The following PTPRZ1 variants were observed in gnomAD, a reference collection of about 807,000 sequenced individuals.
The protein encoded by PTPRZ1 is receptor-type tyrosine-protein phosphatase zeta.
PTPRZ1 carries 82 observed loss-of-function variants against 214.1 expected under a neutral mutation model. That is an observed-to-expected ratio of 0.38 (90% confidence interval 0.32 to 0.46). The LOEUF (loss-of-function observed/expected upper bound fraction) is 0.46. Ranked by LOEUF, PTPRZ1 falls within the 20% of genes least tolerant of loss-of-function variation. The pLI, the probability that PTPRZ1 is intolerant of heterozygous loss-of-function variation, is 1.00. For missense variants in PTPRZ1, 2,603 were observed against 2,748.7 expected (o/e 0.95, Z 1.19); for synonymous variants, 945 against 987.9 (o/e 0.96, Z 0.81).
At chr7:121,964,222 C>T (rs1334072314) in intron 2 of PTPRZ1, among the ~76,000 whole-genome samples, 4 of 152,146 alleles carry the variant, frequency 2.6e-5, no homozygotes, top group African/African-American at 9.7e-5. Context: ...AGTTCATTCT[C>T]ATGCTGCTAT....
intron 4 of PTPRZ1, among the ~76,000 whole-genome samples, chr7:121,974,491 T>C (rs1797368385): frequency 6.6e-6 from 1 of 152,190 alleles, no homozygotes; most frequent in Admixed American, 6.5e-5. Flanking sequence ...TTGTTGTTGT[T>C]GTTGTTGTTG....
In PTPRZ1 at chr7:122,011,368, G is replaced by A. The variant is rs1798658601; in HGVS notation, c.2322G>A (p.Leu774=). 6.2e-7 allele frequency: 1 copy of A among 1,613,928 alleles called. No individual in the cohort carries two copies. The highest frequency in any genetic ancestry group is 1.3e-5 in the African/African-American group (1 of 74,908). The change falls in exon 12 of 30, where the codon TTG becomes TTA. Residue 774 remains leucine, a synonymous_variant. Coordinates refer to ENST00000393386, the MANE Select transcript of PTPRZ1 (RefSeq NM_002851.3). ...AAGTCTTTCCTCTAGTCACCCCTTT[G>A]TTGCTTGACAATCAGATCCTCAACA... ...SSEVFPLVTP[L]LLDNQILNTT...
At chr7:121,884,746 C>T (rs1258873446) in intron 1 of PTPRZ1, among the ~76,000 whole-genome samples, 1 of 152,102 alleles carries the variant, frequency 6.6e-6, no homozygotes, top group East Asian at 1.9e-4. Context: ...ATGAATTGTA[C>T]CCTGGTGGGA....
intron 12 of PTPRZ1, among the ~76,000 whole-genome samples, chr7:122,014,871 C>T (rs941458967): frequency 1.3e-5 from 2 of 152,020 alleles, no homozygotes; most frequent in Non-Finnish European, 2.9e-5. Flanking sequence ...GCAGTGTAAA[C>T]CATCAAAATA....
At chr7:121,985,196 G>A (rs770892421) in intron 8 of PTPRZ1, among the ~76,000 whole-genome samples, 3 of 152,014 alleles carry the variant, frequency 2.0e-5, no homozygotes, top group Non-Finnish European at 2.9e-5. Flanking sequence ...TTGCCCCAAA[G>A]TGAGGAAATT....
chr7:121,960,124 C>T (rs1481917278), intron 2 of PTPRZ1, among the ~76,000 whole-genome samples: 2 of 152,220 alleles, frequency 1.3e-5, no homozygotes, highest in African/African-American at 4.8e-5. Flanking sequence ...CTGCAACCTC[C>T]GCCTCCCAGG....
rs145226329 is a variant in PTPRZ1, at chr7:121,922,569, C to T, written c.59-5587C>T. Among the ~76,000 whole-genome samples the T allele has an allele frequency of 1.1e-4, 16 of 151,200 alleles. No individual in the cohort carries two copies. The East Asian group carries it at 2.3e-3, about 22-fold the overall frequency. On this transcript the variant is annotated intron_variant, in intron 1 of 29. Coordinates refer to ENST00000393386, the MANE Select transcript of PTPRZ1 (RefSeq NM_002851.3). ...CAGCCTGGGTGACAGAGCGGGACTC[C>T]GCCTCAAAAAAAAAAGTTGATTCTT...
intron 2 of PTPRZ1, among the ~76,000 whole-genome samples, chr7:121,940,700 A>C (rs1319323754): frequency 1.3e-5 from 2 of 152,204 alleles, no homozygotes; most frequent in South Asian, 4.1e-4. Context: ...AAAGTCAGAT[A>C]AATCTTCTGT....
At chr7:122,034,062 TCTTTA>T in intron 15 of PTPRZ1, 28 bp from the exon 16 acceptor site, 1 of 1,564,962 alleles carries the variant, frequency 6.4e-7, no homozygotes, top group Non-Finnish European at 8.8e-7. Context: ...GAATTTGATT[TCTTTA>T]CTTTTTTGGC....
intron 2 of PTPRZ1, among the ~76,000 whole-genome samples, chr7:121,956,676 C>G (rs188114950): frequency 6.6e-6 from 1 of 152,344 alleles, no homozygotes; most frequent in African/African-American, 2.4e-5. Context: ...CCGGTCCCAA[C>G]AGATGTCTGG....
At chr7:121,988,413 T>C (rs1237259950) in intron 8 of PTPRZ1, among the ~76,000 whole-genome samples, 1 of 152,212 alleles carries the variant, frequency 6.6e-6, no homozygotes, top group Non-Finnish European at 1.5e-5. Context: ...CAGTTACATA[T>C]TCAGTCGATT....
At chr7:121,944,645 C>G (rs1340349732) in intron 2 of PTPRZ1, among the ~76,000 whole-genome samples, 3 of 21,150 alleles carry the variant, frequency 1.4e-4, no homozygotes, top group African/African-American at 2.4e-4. Context: ...TTACAGATTA[C>G]ATTTTTTTTT....
chr7:121,884,139 T>C (rs1334228477), intron 1 of PTPRZ1, among the ~76,000 whole-genome samples: 5 of 152,170 alleles, frequency 3.3e-5, no homozygotes, highest in African/African-American at 1.2e-4. Context: ...TGCCAAACTT[T>C]TGTCTATTTT....
chr7:121,962,599 C>G (rs746476787), intron 2 of PTPRZ1, among the ~76,000 whole-genome samples: 1 of 151,056 alleles, frequency 6.6e-6, no homozygotes, highest in Non-Finnish European at 1.5e-5. Flanking sequence ...CAGTCTTGCT[C>G]TGTTGCCCAG....
chr7:121,962,708 G>A (rs542933813), intron 2 of PTPRZ1, among the ~76,000 whole-genome samples: 1 of 151,590 alleles, frequency 6.6e-6, no homozygotes, highest in South Asian at 2.1e-4. Context: ...GGGATTACAG[G>A]CACGCATCAC....
intron 9 of PTPRZ1, 81 bp from the exon 10 acceptor site, chr7:121,997,799 A>T (rs999146923): frequency 1.5e-6 from 2 of 1,311,662 alleles, no homozygotes; most frequent in African/African-American, 3.0e-5. Flanking sequence ...CAGGGAGAAA[A>T]AGTTTTCTAG....
In PTPRZ1 at chr7:122,058,837, C is replaced by A; in HGVS notation, c.6566C>A (p.Pro2189His). 6.2e-7 allele frequency: 1 copy of A among 1,605,340 alleles called. No homozygotes were observed. Among genetic ancestry groups the A allele is most frequent in the East Asian group, 2.2e-5 (1 of 44,800 alleles). ...CTTGAAGTGAGGCACTTTCAGTGTC[C>A]TAAATGGCCAAATCCAGATAGCCCC... ...YVLEVRHFQC[P>H]KWPNPDSPIS... The change falls in exon 28 of 30, where the codon CCT (proline) becomes CAT (histidine). Residue 2189 changes from proline (P) to histidine (H), a missense_variant. By Grantham distance (77) the Pro-to-His change is moderately conservative. This residue lies in a region of PTPRZ1 where 165 missense variants were observed against 151.4 expected (regional missense o/e 1.09). Transcript: ENST00000393386.
At chr7:122,039,754 T>A (rs548404475) in intron 20 of PTPRZ1, among the ~76,000 whole-genome samples, 166 bp downstream of exon 20, 1 of 152,246 alleles carries the variant, frequency 6.6e-6, no homozygotes, top group Admixed American at 6.5e-5. Flanking sequence ...TCCCAGGACA[T>A]TGGGAGGCCA....
At chr7:121,895,723 G>A (rs568094646) in intron 1 of PTPRZ1, among the ~76,000 whole-genome samples, 10 of 152,260 alleles carry the variant, frequency 6.6e-5, no homozygotes, top group East Asian at 1.9e-4. Context: ...TATAAAAGGC[G>A]TTGGCAGCCT....
Sources: gnomAD v4.1 joint callset for allele counts (sites outside exome capture counted in the v4.1 genomes callset) on GRCh38, gnomAD v4.1.1 for gene constraint, gnomAD v4.1.1 regional missense constraint, MANE v1.5 for transcripts, NCBI Gene and HGNC (gene_info 2026-07-23, HGNC 2026-07-21) for gene names.